Variants in MTTP observed in about 807,000 individuals in gnomAD.
MTTP encodes the protein microsomal triglyceride transfer protein large subunit.
Under a neutral mutation model 90.6 loss-of-function variants are expected in MTTP, and 49 were observed. The ratio of observed to expected loss-of-function variants is 0.54; its 90% CI spans 0.43 to 0.69. The LOEUF (loss-of-function observed/expected upper bound fraction) is 0.69, where lower values mean the gene tolerates loss of function less well. Ranked by LOEUF, MTTP falls within the 30% of genes least tolerant of loss-of-function variation. The probability of loss-of-function intolerance (pLI) is 0.00; values close to 1 mark genes in which losing one functional copy is unlikely to be tolerated. For synonymous variants in MTTP, 347 were observed against 384.2 expected, an observed-to-expected ratio of 0.90 and a Z score of 1.13; for missense variants, 945 against 1,067.5, an observed-to-expected ratio of 0.89 and a Z score of 1.60.
intron 1 of MTTP, among the ~76,000 whole-genome samples, chr4:99,567,333 T>G (rs952763190): frequency 6.6e-6 from 1 of 151,858 alleles, no homozygotes; most frequent in Non-Finnish European, 1.5e-5. Context: ...CATAACTAGG[T>G]GAAAAGGAAT....
chr4:99,606,668 G>T (rs1725823430), intron 10 of MTTP, 80 bp from the exon 11 acceptor site: 2 of 1,444,550 alleles, frequency 1.4e-6, no homozygotes, highest in East Asian at 2.3e-5. Context: ...TGCTTTCTTG[G>T]ACCCAAGAAT....
chr4:99,591,807 AT>A lies in MTTP; in HGVS notation c.758+22del. ...AGTATCGAAGTAAGATAATGCTAAA[AT>A]TTTTATTTTCTTTGCTATTCTTTGT... On this transcript the variant is annotated intron_variant, in intron 6 of 17. Transcript: ENST00000265517. The A allele has an allele frequency of 6.3e-7, 1 of 1,591,172 alleles. No homozygotes were observed. The highest frequency in any genetic ancestry group is 8.6e-7 in the Non-Finnish European group (1 of 1,161,734).
chr4:99,597,509 G>C (rs1176793678), intron 8 of MTTP, among the ~76,000 whole-genome samples: 2 of 152,186 alleles, frequency 1.3e-5, no homozygotes, highest in Non-Finnish European at 1.5e-5. Flanking sequence ...TGAAGGCAAG[G>C]CTTCGTCGTG....
intron 16 of MTTP, 106 bp downstream of exon 16, chr4:99,619,204 GCTTT>G: frequency 1.8e-6 from 2 of 1,083,650 alleles, no homozygotes; most frequent in Non-Finnish European, 2.8e-6. Context: ...CAAAATCTAT[GCTTT>G]CTATTTGGAA....
In MTTP at chr4:99,606,893, A is replaced by G. The variant is rs889602339; in HGVS notation, c.1490A>G (p.Glu497Gly). ...CTTCTGAAGTATGCAGAAGCAGGAG[A>G]AGGGCCCATCAGCCACCTGGCTACC... Reference protein sequence around the residue: ...PSLLKYAEAGEGPISHLATTA... With the variant: ...PSLLKYAEAGGGPISHLATTA... Residue 497 changes from glutamate to glycine, a missense_variant, in exon 11 of 18, where the codon GAA (glutamate) becomes GGA (glycine). By Grantham distance (98) the Glu-to-Gly change is moderately conservative. Coordinates refer to ENST00000265517, the MANE Select transcript of MTTP (RefSeq NM_001386140.1). 2 of 1,614,064 alleles carry G rather than the reference A, an allele frequency of 1.2e-6. No homozygotes were observed. The highest frequency in any genetic ancestry group is 3.3e-5 in the Admixed American group (2 of 60,012).
At position 99,582,446 on chromosome 4, in the gene MTTP, T is replaced by G. The variant is rs761156033; in HGVS notation, c.249+354T>G. Among the ~76,000 whole-genome samples the G allele has an allele frequency of 4.8e-4, 73 of 152,168 alleles. 1 individual carries two copies. Among genetic ancestry groups the G allele is most frequent in the Non-Finnish European group, 9.6e-4 (65 of 68,026 alleles). On this transcript the variant is annotated intron_variant, in intron 2 of 17. Coordinates refer to ENST00000265517, the MANE Select transcript of MTTP (RefSeq NM_001386140.1). The stretch of plus-strand genomic sequence containing the variant: ...GAAAAACAATTTAGACCACTCTAAC[T>G]CAAGAGGAGATCAGTTAGGAGGTTC...
chr4:99,583,334 T>C (rs373495611), intron 2 of MTTP, 40 bp from the exon 3 acceptor site: 78 of 1,606,614 alleles, frequency 4.9e-5, no homozygotes, highest in Non-Finnish European at 5.9e-5. Context: ...AAGACAGATA[T>C]AGGAAGTTTT....
chr4:99,611,807 C>T (rs898183961), intron 14 of MTTP, among the ~76,000 whole-genome samples: 1 of 152,098 alleles, frequency 6.6e-6, no homozygotes. Context: ...TTCTTAGCCT[C>T]CTCTCACCCC....
chr4:99,609,407 T>C (rs1725897758), intron 12 of MTTP, among the ~76,000 whole-genome samples: 2 of 152,218 alleles, frequency 1.3e-5, no homozygotes, highest in Admixed American at 6.5e-5. Flanking sequence ...TTTAAAATCT[T>C]AGGCACGGCC....
intron 4 of MTTP, among the ~76,000 whole-genome samples, chr4:99,590,950 C>T (rs920431269): frequency 1.3e-5 from 2 of 151,960 alleles, no homozygotes; most frequent in Admixed American, 1.3e-4. Context: ...TCAATTATTA[C>T]CAGGCCATTT....
Position 99,606,878 on chromosome 4 carries a change from A to T in MTTP, c.1475A>T (p.Tyr492Phe). Residue 492 changes from tyrosine (Y) to phenylalanine (F), a missense_variant, in exon 11 of 18, where the codon TAT (tyrosine) becomes TTT (phenylalanine). Transcript: ENST00000265517. Reference sequence around the variant, plus strand: ...GAAGGCATCCCAAGTCTTCTGAAGTATGCAGAAGCAGGAGAAGGGCCCATC... The same window carrying T: ...GAAGGCATCCCAAGTCTTCTGAAGTTTGCAGAAGCAGGAGAAGGGCCCATC... ...LPEGIPSLLK[Y>F]AEAGEGPISH... 1 of 1,614,080 alleles carries T rather than the reference A, an allele frequency of 6.2e-7. No homozygotes were observed. Among genetic ancestry groups the T allele is most frequent in the East Asian group, 2.2e-5 (1 of 44,870 alleles).
chr4:99,569,682 T>G (rs1416623756), intron 1 of MTTP, among the ~76,000 whole-genome samples: 1 of 152,002 alleles, frequency 6.6e-6, no homozygotes, highest in Admixed American at 6.5e-5. Flanking sequence ...GGATAATAAT[T>G]ATTAAGGTGT....
chr4:99,569,165 G>A (rs1666772808), intron 1 of MTTP, among the ~76,000 whole-genome samples: 1 of 152,078 alleles, frequency 6.6e-6, no homozygotes, highest in African/African-American at 2.4e-5. Context: ...GATGTAATGT[G>A]GTATCAAGAA....
intron 1 of MTTP, among the ~76,000 whole-genome samples, chr4:99,564,875 G>A (rs1298074258): frequency 6.6e-6 from 1 of 152,164 alleles, no homozygotes; most frequent in Non-Finnish European, 1.5e-5. Flanking sequence ...TAAAAGAGCC[G>A]AAATTTCTTT....
chr4:99,596,512 CAT>C (rs1725556143), intron 7 of MTTP, among the ~76,000 whole-genome samples: 1 of 152,004 alleles, frequency 6.6e-6, no homozygotes, highest in East Asian at 1.9e-4. Flanking sequence ...CTCTAAAAAA[CAT>C]AGATATAAGA....
At chr4:99,574,819 G>A (rs1214797202), upstream of MTTP, 4 of 1,613,002 alleles carry the variant, frequency 2.5e-6, no homozygotes, top group South Asian at 3.3e-5. Context: ...GTTCTGAAGA[G>A]GGTCACTCCC....
chr4:99,610,168 T>C (rs1725916377), intron 12 of MTTP, among the ~76,000 whole-genome samples: 1 of 152,188 alleles, frequency 6.6e-6, no homozygotes, highest in South Asian at 2.1e-4. Flanking sequence ...CCTCTCCCGA[T>C]GACAGGAAGC....
At chr4:99,593,403 G>A (rs1725477213) in intron 6 of MTTP, among the ~76,000 whole-genome samples, 1 of 151,870 alleles carries the variant, frequency 6.6e-6, no homozygotes, top group Admixed American at 6.6e-5. Context: ...AAAAAAAATT[G>A]TTGTTAAAAA....
At chr4:99,580,944 C>A (rs955239362) in intron 1 of MTTP, among the ~76,000 whole-genome samples, 2 of 152,136 alleles carry the variant, frequency 1.3e-5, no homozygotes, top group African/African-American at 4.8e-5. Context: ...TTTTCTGTCC[C>A]TCTCCCCATA....
Sources: allele counts gnomAD v4.1 joint callset (sites outside exome capture counted in the v4.1 genomes callset), GRCh38; gene constraint gnomAD v4.1.1; transcripts MANE v1.5; gene names NCBI Gene and HGNC (gene_info 2026-07-23, HGNC 2026-07-21).